Variants in DLL3 observed in about 807,000 individuals in gnomAD.
DLL3 encodes the protein delta like canonical Notch ligand 3.
A neutral mutation model predicts 55.0 loss-of-function variants in DLL3; 49 were observed. The ratio of observed to expected loss-of-function variants is 0.89; its 90% CI spans 0.71 to 1.13. The LOEUF (loss-of-function observed/expected upper bound fraction) is 1.13. Among genes scored for constraint, DLL3 ranks in the 50% most tolerant of loss-of-function variants. The pLI is 0.00. For missense variants in DLL3, 962 were observed against 875.5 expected (o/e 1.10, Z -1.25); for synonymous variants, 421 against 385.2 (o/e 1.09, Z -1.09).
In DLL3 at chr19:39,503,067, G is replaced by C. The variant is rs1297480204; in HGVS notation, c.652+10G>C. On this transcript the variant is annotated intron_variant, in intron 4 of 8. Coordinates refer to ENST00000356433, the MANE Select transcript of DLL3 (RefSeq NM_203486.3). ...GAATGTGAGGCGCCGCGTGAGTCCTGCGTTCGACCCCACCCCGTCCCAGCC... is the reference window on the plus strand; with the variant it reads ...GAATGTGAGGCGCCGCGTGAGTCCTCCGTTCGACCCCACCCCGTCCCAGCC... 4 of 1,522,504 alleles carry C rather than the reference G, an allele frequency of 2.6e-6. No homozygotes were observed. Among genetic ancestry groups the C allele is most frequent in the Non-Finnish European group, 3.5e-6 (4 of 1,141,812 alleles). The allele number at this position is 1,522,504 out of a possible 1,614,324, so 94.3% of individuals were successfully genotyped here. A position where few individuals can be genotyped will look rare whatever the true frequency, so the allele number is the denominator to read the frequency against.
Position 39,505,209 on chromosome 19 carries a change from G to T in DLL3, c.871-20G>T. The T allele has an allele frequency of 6.2e-7, 1 of 1,612,632 alleles. No individual in the cohort carries two copies. The highest frequency in any genetic ancestry group is 8.5e-7 in the Non-Finnish European group (1 of 1,179,268). ...TTCTCCAAGGAAACACCCTTCTCAA[G>T]TACTCTTGTCCCTGCCCAGGAGACA... On this transcript the variant is annotated intron_variant, in intron 5 of 8. Coordinates refer to ENST00000356433, the MANE Select transcript of DLL3 (RefSeq NM_203486.3).
At position 39,499,048 on chromosome 19, in the gene DLL3, G is replaced by A. The variant is rs371528295; in HGVS notation, c.69+5G>A. 6.2e-7 allele frequency: 1 copy of A among 1,614,054 alleles called. No individual in the cohort carries two copies. Among genetic ancestry groups the A allele is most frequent in the African/African-American group, 1.3e-5 (1 of 74,936 alleles). ...GCGCTCATTTTCCTCCCCCAGGTCA[G>A]AGCCAGGTGGGAGGTGGCGTGGAAA... On this transcript the variant is annotated splice_donor_5th_base_variant and intron_variant, in intron 1 of 8. Transcript: ENST00000356433.
intron 6 of DLL3, 110 bp from the exon 7 acceptor site, chr19:39,506,929 G>A (rs796458663): frequency 3.3e-6 from 4 of 1,198,158 alleles, no homozygotes; most frequent in South Asian, 2.7e-5. Context: ...TGGCCCTTAA[G>A]TTAGAGAGAA....
rs766274162 is a variant in DLL3 at position 39,507,323 on chromosome 19, A to C, written c.1378A>C (p.Met460Leu). ...GLVCACAPGYMGARCEFPVHP... is the reference protein window; with the variant it reads ...GLVCACAPGYLGARCEFPVHP... ...CGTCTGCGCTTGCGCTCCCGGCTAC[A>C]TGGGAGCGCGGTGTGAGTTCCCAGT... The change falls in exon 7 of 9, where the codon ATG (methionine) becomes CTG (leucine). Residue 460 changes from methionine (M) to leucine (L), a missense_variant. Physicochemically the swap from Met to Leu is conservative, Grantham distance 15. Coordinates refer to ENST00000356433, the MANE Select transcript of DLL3 (RefSeq NM_203486.3). The C allele has an allele frequency of 2.2e-4, 349 of 1,566,098 alleles. No homozygotes were observed. The highest frequency in any genetic ancestry group is 2.9e-4 in the Non-Finnish European group (332 of 1,163,804).
In DLL3 at chr19:39,500,974, A is replaced by G. The variant is rs62120694; in HGVS notation, c.409+302A>G. Among the ~76,000 whole-genome samples the G allele has an allele frequency of 0.28, 42,664 of 151,512 alleles. 6,455 individuals carry two copies. The highest frequency in any genetic ancestry group is 0.41 in the Middle Eastern group (121 of 294). On this transcript the variant is annotated intron_variant, in intron 3 of 8. Coordinates refer to ENST00000356433, the MANE Select transcript of DLL3 (RefSeq NM_203486.3). ...GTTGAGAGCTCAGGGTGCGATATGAATTACTTCTGGTTCTTTTATGTGAAG... is the reference window on the plus strand; with the variant it reads ...GTTGAGAGCTCAGGGTGCGATATGAGTTACTTCTGGTTCTTTTATGTGAAG...
chr19:39,507,478 G>A lies in DLL3; in HGVS notation c.1533G>A (p.Leu511=). 6.3e-7 allele frequency: 1 copy of A among 1,594,590 alleles called. No homozygotes were observed. The highest frequency in any genetic ancestry group is 8.5e-7 in the Non-Finnish European group (1 of 1,171,850). The change falls in exon 7 of 9, where the codon TTG becomes TTA. Residue 511 remains leucine (L), a synonymous_variant. Transcript: ENST00000356433. ...VAAGVAGAAL[L]LVHVRRRGHS... is the part of the protein sequence containing the mutation. Reference sequence around the variant, plus strand: ...CGGGCGTGGCCGGCGCTGCGCTCTTGCTGGTCCACGTGCGCCGCCGTGGCC... The same window carrying A: ...CGGGCGTGGCCGGCGCTGCGCTCTTACTGGTCCACGTGCGCCGCCGTGGCC...
chr19:39,503,035 C>G lies in DLL3; in HGVS notation c.630C>G (p.Leu210=). Residue 210 remains leucine, a synonymous_variant, in exon 4 of 9, where the codon CTC becomes CTG. Coordinates refer to ENST00000356433, the MANE Select transcript of DLL3 (RefSeq NM_203486.3). ...CGPGLRPCAP[L]EDECEAPLVC... ...CGGGACTGCGCCCCTGCGCACCGCT[C>G]GAGGACGAATGTGAGGCGCCGCGTG... The G allele has an allele frequency of 1.3e-6, 2 of 1,520,868 alleles. No homozygotes were observed. The highest frequency in any genetic ancestry group is 1.8e-6 in the Non-Finnish European group (2 of 1,141,038). The allele number at this position is 1,520,868 out of a possible 1,614,324, so 94.2% of individuals were successfully genotyped here.
intron 2 of DLL3, among the ~76,000 whole-genome samples, chr19:39,499,869 T>C (rs1315221842): frequency 6.7e-6 from 1 of 149,430 alleles, no homozygotes; most frequent in African/African-American, 2.5e-5. Context: ...TTTTTTTTTT[T>C]CTGTCCTCAG....
chr19:39,503,787 A>G (rs2079624253), intron 4 of DLL3, among the ~76,000 whole-genome samples: 1 of 151,990 alleles, frequency 6.6e-6, no homozygotes, highest in Admixed American at 6.5e-5. Flanking sequence ...CCCCTGTCCC[A>G]TCCTCTTTCC....
At position 39,499,200 on chromosome 19, in the gene DLL3, C is replaced by G; in HGVS notation, c.78C>G (p.Pro26=). The stretch of plus-strand genomic sequence containing the variant: ...GCCCGTCTCCGTCCCAGACACGGCC[C>G]GCTGGCGTCTTCGAGCTGCAGATCC... ...LALIFLPQTR[P]AGVFELQIHS... The change falls in exon 2 of 9, where the codon CCC becomes CCG. Residue 26 remains proline, a synonymous_variant. Coordinates refer to ENST00000356433, the MANE Select transcript of DLL3 (RefSeq NM_203486.3). 2 of 1,575,896 alleles carry G rather than the reference C, an allele frequency of 1.3e-6. No individual in the cohort carries two copies. Among genetic ancestry groups the G allele is most frequent in the Non-Finnish European group, 1.7e-6 (2 of 1,165,924 alleles).
In DLL3 at chr19:39,505,442, T is replaced by C; in HGVS notation, c.1084T>C (p.Cys362Arg). 1.9e-6 allele frequency: 3 copies of C among 1,614,028 alleles called. No individual in the cohort carries two copies. Among genetic ancestry groups the C allele is most frequent in the Non-Finnish European group, 2.5e-6 (3 of 1,179,994 alleles). Residue 362 changes from cysteine to arginine, a missense_variant, in exon 6 of 9, where the codon TGC (cysteine) becomes CGC (arginine). Cys to Arg is a radical substitution (Grantham distance 180). Transcript: ENST00000356433. Reference protein sequence around the residue: ...KRVDRCSLQPCRNGGLCLDLG... With the variant: ...KRVDRCSLQPRRNGGLCLDLG... ...GGTGGACCGGTGCAGCCTGCAGCCA[T>C]GCCGCAATGGTGAGGCCTGGAGGCC... is the stretch of plus-strand genomic sequence containing the variant.
In DLL3 at chr19:39,506,988, G is replaced by C. The variant is rs781069792; in HGVS notation, c.1094-51G>C. The C allele has an allele frequency of 3.3e-6, 5 of 1,521,662 alleles. No homozygotes were observed. The African/African-American group carries it at 6.9e-5, about 21-fold the overall frequency. The allele number at this position is 1,521,662 out of a possible 1,614,324, so 94.3% of individuals were successfully genotyped here. On this transcript the variant is annotated intron_variant, in intron 6 of 8. Transcript: ENST00000356433. ...ACAGAGCTGGGAAACAGCGCGGGCAGGTGGGTCCCCGGCTCCCGGACTGCG... is the reference window on the plus strand; with the variant it reads ...ACAGAGCTGGGAAACAGCGCGGGCACGTGGGTCCCCGGCTCCCGGACTGCG...
rs1568447907 is a variant in DLL3, at chr19:39,499,264, T to C, written c.142T>C (p.Ser48Pro). 3 of 1,542,592 alleles carry C rather than the reference T, an allele frequency of 1.9e-6. No individual in the cohort carries two copies. The highest frequency in any genetic ancestry group is 8.7e-7 in the Non-Finnish European group (1 of 1,148,600). The change falls in exon 2 of 9, where the codon TCC becomes CCC. Residue 48 changes from serine (S) to proline (P), a missense_variant. Coordinates refer to ENST00000356433, the MANE Select transcript of DLL3 (RefSeq NM_203486.3). ...GGGTCCAGGCCCTGGGGCCCCGCGGTCCCCCTGCAGCGCCCGGCTCCCCTG... is the reference window on the plus strand; with the variant it reads ...GGGTCCAGGCCCTGGGGCCCCGCGGCCCCCCTGCAGCGCCCGGCTCCCCTG... Reference protein sequence around the residue: ...GPGPGPGAPRSPCSARLPCRL... With the variant: ...GPGPGPGAPRPPCSARLPCRL...
chr19:39,508,436 C>G lies in DLL3; in HGVS notation c.*179C>G, dbSNP rs1357034190. On this transcript the variant is annotated 3_prime_UTR_variant, in exon 9 of 9. Transcript: ENST00000356433. ...TCCTATTTTTTCTCACCCCATCTCTCTAGAAACACCTATAAAGGCTATTAT... is the reference window on the plus strand; with the variant it reads ...TCCTATTTTTTCTCACCCCATCTCTGTAGAAACACCTATAAAGGCTATTAT... 3 of 693,016 alleles carry G rather than the reference C, an allele frequency of 4.3e-6. No individual in the cohort carries two copies. The East Asian group carries it at 8.1e-5, about 19-fold the overall frequency. 42.9% of individuals were successfully genotyped at this position (693,016 alleles called of 1,614,324 possible). A position where few individuals can be genotyped will look rare whatever the true frequency, so the allele number is the denominator to read the frequency against.
intron 3 of DLL3, 147 bp from the exon 4 acceptor site, chr19:39,502,668 C>A: frequency 9.7e-7 from 1 of 1,026,066 alleles, no homozygotes; most frequent in Non-Finnish European, 1.3e-6. Context: ...GACTGCCATT[C>A]TACTCGCGAG....
chr19:39,501,742 G>T (rs1346027835), intron 3 of DLL3, among the ~76,000 whole-genome samples: 1 of 152,100 alleles, frequency 6.6e-6, no homozygotes, highest in Non-Finnish European at 1.5e-5. Flanking sequence ...AGTAACTGGG[G>T]TCTCTGTGAC....
chr19:39,507,355 C>G lies in DLL3; in HGVS notation c.1410C>G (p.Pro470=). Reference sequence around the variant, plus strand: ...CGCGGTGTGAGTTCCCAGTGCACCCCGACGGCGCAAGCGCCTTGCCCGCGG... The same window carrying G: ...CGCGGTGTGAGTTCCCAGTGCACCCGGACGGCGCAAGCGCCTTGCCCGCGG... ...MGARCEFPVH[P]DGASALPAAP... is the part of the protein sequence containing the mutation. Residue 470 remains proline (P), a synonymous_variant, in exon 7 of 9, where the codon CCC becomes CCG. Transcript: ENST00000356433. 1 of 1,571,430 alleles carries G rather than the reference C, an allele frequency of 6.4e-7. No individual in the cohort carries two copies.
chr19:39,504,406 G>A, intron 5 of DLL3, 118 bp downstream of exon 5: 3 of 1,189,678 alleles, frequency 2.5e-6, no homozygotes, highest in East Asian at 2.5e-5. Context: ...TAACTATCAG[G>A]GAGGTCTTCC....
At position 39,507,155 on chromosome 19, in the gene DLL3, G is replaced by T. The variant is rs1396120007; in HGVS notation, c.1210G>T (p.Gly404Cys). 43 of 1,484,444 alleles carry T rather than the reference G, an allele frequency of 2.9e-5. No homozygotes were observed. The highest frequency in any genetic ancestry group is 3.6e-5 in the Non-Finnish European group (40 of 1,126,492). 92.0% of individuals were successfully genotyped at this position (1,484,444 alleles called of 1,614,324 possible). A position where few individuals can be genotyped will look rare whatever the true frequency, so the allele number is the denominator to read the frequency against. Reference protein sequence around the residue: ...DCAGRACANGGTCVEGGGAHR... With the variant: ...DCAGRACANGCTCVEGGGAHR... The stretch of plus-strand genomic sequence containing the variant: ...CGCGGGCCGCGCCTGCGCTAACGGC[G>T]GCACGTGTGTGGAGGGCGGCGGCGC... The change falls in exon 7 of 9, where the codon GGC becomes TGC. Residue 404 changes from glycine to cysteine, a missense_variant. By Grantham distance (159) the Gly-to-Cys change is radical (BLOSUM62 -3). Transcript: ENST00000356433.
Sources: gnomAD v4.1 joint callset for allele counts (sites outside exome capture counted in the v4.1 genomes callset) on GRCh38, gnomAD v4.1.1 for gene constraint, MANE v1.5 for transcripts, NCBI Gene and HGNC (gene_info 2026-07-23, HGNC 2026-07-21) for gene names.